IFT88: variants seen among roughly 807,000 people sequenced by gnomAD.
IFT88 encodes intraflagellar transport protein 88 homolog.
Under a neutral mutation model 119.5 loss-of-function variants are expected in IFT88, and 74 were observed. The observed-to-expected ratio is 0.62, with a 90% confidence interval of 0.51 to 0.75. IFT88 has a LOEUF of 0.75. Ranked by LOEUF, IFT88 falls within the 30% of genes least tolerant of loss-of-function variation. IFT88 has a pLI of 0.00. For missense variants in IFT88, 961 were observed against 977.7 expected, an observed-to-expected ratio of 0.98 and a Z score of 0.23; for synonymous variants, 279 against 316.7, an observed-to-expected ratio of 0.88 and a Z score of 1.26.
intron 14 of IFT88, among the ~76,000 whole-genome samples, chr13:20,616,291 G>A (rs1436346875): frequency 2.0e-5 from 3 of 152,040 alleles, no homozygotes; most frequent in Non-Finnish European, 2.9e-5. Context: ...TAATATCCTA[G>A]GCCTTCACAT....
intron 14 of IFT88, among the ~76,000 whole-genome samples, chr13:20,618,253 T>C (rs2045955255): frequency 6.6e-6 from 1 of 152,184 alleles, no homozygotes; most frequent in Admixed American, 6.5e-5. Flanking sequence ...ACATGATCGT[T>C]GTTCATTGGA....
At chr13:20,600,618 A>G (rs1056703485) in intron 11 of IFT88, among the ~76,000 whole-genome samples, 1 of 152,224 alleles carries the variant, frequency 6.6e-6, no homozygotes, top group East Asian at 1.9e-4. Flanking sequence ...AATCAAAGAA[A>G]CAATAAGTTT....
chr13:20,568,039 A>T, intron 1 of IFT88: 1 of 712,674 alleles, frequency 1.4e-6, no homozygotes, highest in Non-Finnish European at 2.6e-6. Context: ...AAAGAATCTC[A>T]TAATGCTTCC....
chr13:20,685,891 A>T (rs373376039), intron 24 of IFT88, among the ~76,000 whole-genome samples: 48 of 152,360 alleles, frequency 3.2e-4, no homozygotes, highest in East Asian at 9.6e-4. Context: ...AAAAATAAAT[A>T]AATTAATTAA....
At chr13:20,678,374 C>CAG (rs2056940592) in intron 24 of IFT88, among the ~76,000 whole-genome samples, 1 of 152,202 alleles carries the variant, frequency 6.6e-6, no homozygotes, top group South Asian at 2.1e-4. Flanking sequence ...GAGCCATGAA[C>CAG]AGAGTCTGAC....
intron 23 of IFT88, among the ~76,000 whole-genome samples, chr13:20,666,742 T>C (rs1171955850): frequency 6.6e-6 from 1 of 152,204 alleles, no homozygotes; most frequent in African/African-American, 2.4e-5. Flanking sequence ...TTCCCTATTA[T>C]GAAAACAATA....
At chr13:20,584,742 C>G (rs2039336227) in intron 3 of IFT88, among the ~76,000 whole-genome samples, 1 of 152,132 alleles carries the variant, frequency 6.6e-6, no homozygotes, top group African/African-American at 2.4e-5. Context: ...AGTTCTATCC[C>G]TAATGTTCTA....
intron 16 of IFT88, among the ~76,000 whole-genome samples, chr13:20,633,094 TG>T (rs546673872): frequency 6.6e-4 from 100 of 152,328 alleles, no homozygotes; most frequent in African/African-American, 2.3e-3. Context: ...AAAGATGTTG[TG>T]TTTCTTTTTA....
chr13:20,571,032 C>T (rs535450447), intron 1 of IFT88, among the ~76,000 whole-genome samples: 82 of 152,078 alleles, frequency 5.4e-4, no homozygotes, highest in South Asian at 2.9e-3. Context: ...CTGGCTCTGT[C>T]GCCTAGGCAG....
chr13:20,569,586 A>T (rs4769121), intron 1 of IFT88, among the ~76,000 whole-genome samples: 40,125 of 150,734 alleles, frequency 0.27, 5,897 homozygotes, highest in Admixed American at 0.37. Flanking sequence ...AAAAAAAAAA[A>T]TTTTTTTAAA....
intron 2 of IFT88, among the ~76,000 whole-genome samples, chr13:20,580,946 C>T (rs969049831): frequency 3.3e-5 from 5 of 151,914 alleles, no homozygotes; most frequent in Non-Finnish European, 7.4e-5. Context: ...AGGATGGTCT[C>T]GATCTCCTGA....
intron 3 of IFT88, among the ~76,000 whole-genome samples, chr13:20,588,678 A>C (rs1023703715): frequency 2.0e-5 from 3 of 152,202 alleles, no homozygotes. Context: ...CAGATATAGA[A>C]CTTTTACATC....
rs75087705 is a variant in IFT88 at position 20,668,504 on chromosome 13, A to G, written c.2176-2469A>G. On this transcript the variant is annotated intron_variant, in intron 23 of 25. Coordinates refer to ENST00000351808, the MANE Select transcript of IFT88 (RefSeq NM_006531.5). ...GTAACTTCCACAAGAAATCCTTGCT[A>G]CAGCTATTACAATGGTACAGCTATT... Among the ~76,000 whole-genome samples, 538 of 152,284 alleles carry G rather than the reference A, an allele frequency of 3.5e-3. 13 individuals carry two copies. In the East Asian group the frequency reaches 0.077, roughly 22 times the overall value.
chr13:20,648,744 A>T (rs2051130615), intron 20 of IFT88, among the ~76,000 whole-genome samples: 2 of 152,186 alleles, frequency 1.3e-5, no homozygotes, highest in South Asian at 4.1e-4. Flanking sequence ...TGAATAAGAA[A>T]ATCAGGGTCT....
Position 20,663,701 on chromosome 13 carries a change from C to G in IFT88, c.2175+97C>G, listed in dbSNP as rs189349903. 4.4e-3 allele frequency: 3,808 copies of G among 867,640 alleles called. 16 individuals are homozygous for G. The highest frequency in any genetic ancestry group is 5.5e-3 in the Non-Finnish European group (3,117 of 563,958). 53.7% of individuals were successfully genotyped at this position (867,640 alleles called of 1,614,324 possible). On this transcript the variant is annotated intron_variant, in intron 23 of 25. Coordinates refer to ENST00000351808, the MANE Select transcript of IFT88 (RefSeq NM_006531.5). ...GATGTTAGGAGCTTCTATAAGAAAACAGAGTTGAAATTTTTTTCTGCTCTG... is the reference window on the plus strand; with the variant it reads ...GATGTTAGGAGCTTCTATAAGAAAAGAGAGTTGAAATTTTTTTCTGCTCTG...
At chr13:20,628,839 T>C (rs1376478568) in intron 15 of IFT88, among the ~76,000 whole-genome samples, 1 of 152,198 alleles carries the variant, frequency 6.6e-6, no homozygotes, top group African/African-American at 2.4e-5. Context: ...ATAATAACCA[T>C]TTTGGGAGAA....
chr13:20,690,710 G>T lies in IFT88; in HGVS notation c.2248G>T (p.Gly750Cys), dbSNP rs138716049. The change falls in exon 25 of 26, where the codon GGC becomes TGC. Residue 750 changes from glycine to cysteine, a missense_variant. Transcript: ENST00000351808. ...KREGSASGDS[G>C]QNYSASSKGE... ...TTTTATTTTCGTGTTTTCAGATAGT[G>T]GCCAGAACTATAGTGCCAGTAGTAA... 1 of 1,606,410 alleles carries T rather than the reference G, an allele frequency of 6.2e-7. No homozygotes were observed. Among genetic ancestry groups the T allele is most frequent in the African/African-American group, 1.3e-5 (1 of 74,754 alleles).
chr13:20,628,852 T>C (rs984609254), intron 15 of IFT88, among the ~76,000 whole-genome samples: 1 of 152,168 alleles, frequency 6.6e-6, no homozygotes, highest in South Asian at 2.1e-4. Flanking sequence ...TGGGAGAAAA[T>C]AGATTTGATG....
chr13:20,642,091 A>C (rs1202591284), intron 18 of IFT88: 1 of 152,186 alleles, frequency 6.6e-6, no homozygotes, highest in Non-Finnish European at 1.5e-5. Flanking sequence ...AATGCTTTTC[A>C]TGCTATTTGA....
Sources: allele counts gnomAD v4.1 joint callset (sites outside exome capture counted in the v4.1 genomes callset), GRCh38; gene constraint gnomAD v4.1.1; transcripts MANE v1.5; gene names NCBI Gene and HGNC (gene_info 2026-07-23, HGNC 2026-07-21).